The following BEND2 variants were observed in gnomAD, a reference collection of about 807,000 sequenced individuals.
BEND2 encodes the protein BEN domain containing 2, also known as BEN domain-containing protein 2.
Under a neutral mutation model 43.8 loss-of-function variants are expected in BEND2, and 19 were observed. That is an observed-to-expected ratio of 0.43 (90% CI 0.30 to 0.64). BEND2 has a LOEUF of 0.64. Among genes scored for constraint, BEND2 ranks in the 30% least tolerant of loss-of-function variants. BEND2 has a pLI of 0.11. For synonymous variants in BEND2, 226 were observed against 210.1 expected, an observed-to-expected ratio of 1.08 and a Z score of -0.66; for missense variants, 544 against 574.0, an observed-to-expected ratio of 0.95 and a Z score of 0.53.
intron 1 of BEND2, among the ~76,000 whole-genome samples, chrX:18,219,289 C>G (rs1925773311): frequency 8.9e-6 from 1 of 112,486 alleles, no homozygotes; most frequent in African/African-American, 3.2e-5. Context: ...TCGGGGAGAG[C>G]CGGGAGGGAC....
intron 4 of BEND2, among the ~76,000 whole-genome samples, chrX:18,206,893 G>A (rs1449106297): frequency 8.9e-6 from 1 of 111,763 alleles, no homozygotes; most frequent in African/African-American, 3.3e-5. Context: ...AAAGAACAAG[G>A]CAAGCTGCAG....
chrX:18,184,065 C>T (rs1050991957), intron 8 of BEND2, among the ~76,000 whole-genome samples: 16 of 111,724 alleles, frequency 1.4e-4, no homozygotes, highest in Non-Finnish European at 2.4e-4. Flanking sequence ...AGACTCAGGG[C>T]TCTGCTGGCT....
At chrX:18,214,204 A>G (rs958711455) in intron 2 of BEND2, among the ~76,000 whole-genome samples, 4 of 111,659 alleles carry the variant, frequency 3.6e-5, no homozygotes, top group African/African-American at 1.3e-4. Flanking sequence ...GGATCAATTG[A>G]GCCCCGGAGT....
intron 8 of BEND2, among the ~76,000 whole-genome samples, chrX:18,189,265 TG>T (rs1229273600): frequency 9.1e-6 from 1 of 110,015 alleles, no homozygotes; most frequent in African/African-American, 3.3e-5. Flanking sequence ...CCTAGTACTT[TG>T]GGAGGCCAAG....
intron 11 of BEND2, 124 bp downstream of exon 11, chrX:18,175,848 C>A: frequency 1.6e-6 from 1 of 607,073 alleles, no homozygotes; most frequent in Non-Finnish European, 2.3e-6. Flanking sequence ...ATCCCATGCC[C>A]CCTAAGTTAA....
chrX:18,181,399 A>G (rs1924382180), intron 8 of BEND2, among the ~76,000 whole-genome samples: 1 of 111,150 alleles, frequency 9.0e-6, no homozygotes. Flanking sequence ...TGATAGCCAA[A>G]ACCTGAAAAC....
At position 18,176,020 on chromosome X, in the gene BEND2, A is replaced by G. The variant is rs778821325; in HGVS notation, c.1704T>C (p.Gly568=). 1.7e-6 allele frequency: 2 copies of G among 1,199,043 alleles called. No homozygotes were observed. The highest frequency in any genetic ancestry group is 2.3e-6 in the Non-Finnish European group (2 of 887,316). ...ATAAACAGTAGATCATAGAATTGAT[A>G]CCAGAAATACAGTCCTGCCAGTCTT... is the stretch of plus-strand genomic sequence containing the variant. The part of the protein sequence containing the change: ...HGKDWQDCIS[G]INSMIYCLCS... The change falls in exon 11 of 14, where the codon GGT becomes GGC. Residue 568 remains glycine (G), a synonymous_variant. Transcript: ENST00000380033.
At chrX:18,166,406 C>T (rs1327414014) in intron 13 of BEND2, among the ~76,000 whole-genome samples, 8 of 111,810 alleles carry the variant, frequency 7.2e-5, no homozygotes, top group African/African-American at 2.3e-4. Flanking sequence ...CTAGTCACCA[C>T]TTGGGGATTT....
chrX:18,178,225 C>T (rs1924250286), intron 9 of BEND2, among the ~76,000 whole-genome samples: 1 of 111,738 alleles, frequency 8.9e-6, no homozygotes, highest in East Asian at 2.8e-4. Context: ...AGAAAATTTT[C>T]AAATAGCTAG....
intron 5 of BEND2, among the ~76,000 whole-genome samples, chrX:18,202,900 G>T (rs1602049162): frequency 9.0e-6 from 1 of 111,404 alleles, no homozygotes; most frequent in East Asian, 2.8e-4. Context: ...TTCAATAGAT[G>T]AATGGTTAAA....
intron 13 of BEND2, among the ~76,000 whole-genome samples, chrX:18,169,095 C>T (rs189607583): frequency 1.6e-4 from 18 of 109,291 alleles, no homozygotes; most frequent in African/African-American, 5.7e-4. Flanking sequence ...CAGTGAGCCA[C>T]GATCACACTA....
chrX:18,186,597 G>A (rs1187279797), intron 8 of BEND2, among the ~76,000 whole-genome samples: 1 of 109,665 alleles, frequency 9.1e-6, no homozygotes, highest in African/African-American at 3.3e-5. Context: ...TCAGTGTTAA[G>A]TTGTCATTAG....
At chrX:18,173,839 A>T (rs1234068768) in intron 12 of BEND2, among the ~76,000 whole-genome samples, 191 bp downstream of exon 12, 1 of 112,057 alleles carries the variant, frequency 8.9e-6, no homozygotes, top group African/African-American at 3.2e-5. Context: ...AATCAGTCTT[A>T]GAACCATGTG....
chrX:18,204,992 A>T (rs1230446304), intron 4 of BEND2, among the ~76,000 whole-genome samples: 1 of 111,709 alleles, frequency 9.0e-6, no homozygotes, highest in Non-Finnish European at 1.9e-5. Context: ...GCCAAATATA[A>T]CAGATGTGAC....
intron 2 of BEND2, among the ~76,000 whole-genome samples, chrX:18,215,225 T>C (rs1925640501): frequency 8.9e-6 from 1 of 111,817 alleles, no homozygotes; most frequent in East Asian, 2.8e-4. Flanking sequence ...ATCCTCACTA[T>C]CTATACCCAA....
chrX:18,194,725 T>A (rs1249613909), intron 7 of BEND2, among the ~76,000 whole-genome samples: 5 of 110,481 alleles, frequency 4.5e-5, no homozygotes, highest in Non-Finnish European at 7.6e-5. Flanking sequence ...TGAAAAAAAA[T>A]CCAATTCCAA....
intron 4 of BEND2, among the ~76,000 whole-genome samples, chrX:18,211,839 T>C (rs756829562): frequency 2.7e-5 from 3 of 109,634 alleles, no homozygotes; most frequent in African/African-American, 1.0e-4. Context: ...AGAATACCAC[T>C]CAGCAATGAA....
rs1422403763 is a variant in BEND2 at position 18,213,791 on chromosome X, C to T, written c.359G>A (p.Arg120His). ...LSLPSSWDDR[R>H]TPPCPVAHGD... ...ATAAATACCTGGGCATGGTGGCGTG[C>T]GCCTGTCATCCCAGCTACTGGGAAG... Residue 120 changes from arginine (R) to histidine (H), a missense_variant, in exon 3 of 14, where the codon CGC becomes CAC. Physicochemically the swap from Arg to His is conservative, Grantham distance 29. This residue lies in a region of BEND2 where 501 missense variants were observed against 501.6 expected (regional missense o/e 1.00). Transcript: ENST00000380033. 2.5e-5 allele frequency: 4 copies of T among 161,995 alleles called. No homozygotes were observed. Among genetic ancestry groups the T allele is most frequent in the Non-Finnish European group, 3.5e-5 (3 of 84,943 alleles). 13.4% of individuals were successfully genotyped at this position (161,995 alleles called of 1,213,427 possible).
chrX:18,212,176 C>G (rs1253773990), intron 4 of BEND2, among the ~76,000 whole-genome samples: 3 of 105,207 alleles, frequency 2.9e-5, no homozygotes, highest in African/African-American at 1.0e-4. Context: ...CTCACTGCAA[C>G]CTCCGCCTCC....
Sources: gnomAD v4.1 joint callset for allele counts (sites outside exome capture counted in the v4.1 genomes callset) on GRCh38, gnomAD v4.1.1 for gene constraint, gnomAD v4.1.1 regional missense constraint, MANE v1.5 for transcripts, NCBI Gene and HGNC (gene_info 2026-07-23, HGNC 2026-07-21) for gene names.